The following CYP7B1 variants were observed in gnomAD, a reference collection of about 807,000 sequenced individuals.
CYP7B1 encodes the protein cytochrome P450 7B1.
A neutral mutation model predicts 42.7 loss-of-function variants in CYP7B1; 29 were observed. That is an observed-to-expected ratio of 0.68 (90% CI 0.51 to 0.93). The LOEUF is 0.93. Among genes scored for constraint, CYP7B1 ranks in the 40% least tolerant of loss-of-function variants. The probability of loss-of-function intolerance (pLI) is 0.00; values close to 1 mark genes in which losing one functional copy is unlikely to be tolerated. For synonymous variants in CYP7B1, 235 were observed against 218.2 expected (o/e 1.08, Z -0.68); for missense variants, 655 against 600.5 (o/e 1.09, Z -0.95).
intron 1 of CYP7B1, among the ~76,000 whole-genome samples, chr8:64,640,617 A>G (rs1403947222): frequency 6.6e-6 from 1 of 152,154 alleles, no homozygotes; most frequent in African/African-American, 2.4e-5. Flanking sequence ...TCCTGAAACT[A>G]AAAGAGATTT....
chr8:64,683,907 G>A (rs1233661989), intron 1 of CYP7B1, among the ~76,000 whole-genome samples: 3 of 151,876 alleles, frequency 2.0e-5, no homozygotes, highest in African/African-American at 4.8e-5. Context: ...AGATACCCTC[G>A]TGGCTCACTT....
At chr8:64,787,998 G>A (rs1804556350) in intron 1 of CYP7B1, among the ~76,000 whole-genome samples, 1 of 152,110 alleles carries the variant, frequency 6.6e-6, no homozygotes. Flanking sequence ...ATAGCATGAG[G>A]GAAACCAGCC....
intron 1 of CYP7B1, among the ~76,000 whole-genome samples, chr8:64,687,594 C>T (rs184963215): frequency 6.6e-6 from 1 of 151,948 alleles, no homozygotes; most frequent in African/African-American, 2.4e-5. Context: ...ATTTAAAATG[C>T]CCCAAACAAA....
At position 64,798,612 on chromosome 8, in the gene CYP7B1, GC is replaced by G; in HGVS notation, c.-26del. Reference sequence around the variant, plus strand: ...TCCGGCGCGCGCTAGGCCGCGGTGGGCAGCCCGGGGTCTGCCTGCGAACAGC... The same window carrying G: ...TCCGGCGCGCGCTAGGCCGCGGTGGGAGCCCGGGGTCTGCCTGCGAACAGC... On this transcript the variant is annotated 5_prime_UTR_variant, in exon 1 of 6. Coordinates refer to ENST00000310193, the MANE Select transcript of CYP7B1 (RefSeq NM_004820.5). The G allele has an allele frequency of 6.9e-6, 10 of 1,450,488 alleles. No homozygotes were observed. The highest frequency in any genetic ancestry group is 8.1e-6 in the Non-Finnish European group (9 of 1,111,540). 89.9% of individuals were successfully genotyped at this position (1,450,488 alleles called of 1,614,324 possible).
intron 1 of CYP7B1, among the ~76,000 whole-genome samples, chr8:64,773,228 T>C (rs1804264166): frequency 6.6e-6 from 1 of 152,230 alleles, no homozygotes; most frequent in Non-Finnish European, 1.5e-5. Context: ...TGGTATATAT[T>C]TGAAACTCAG....
chr8:64,792,644 A>C (rs1416726851), intron 1 of CYP7B1, among the ~76,000 whole-genome samples: 1 of 152,210 alleles, frequency 6.6e-6, no homozygotes, highest in Non-Finnish European at 1.5e-5. Flanking sequence ...TGGAGAAACA[A>C]ATCTCTCAGG....
chr8:64,619,148 A>C (rs1307411076), intron 2 of CYP7B1, among the ~76,000 whole-genome samples: 1 of 152,210 alleles, frequency 6.6e-6, no homozygotes, highest in African/African-American at 2.4e-5. Flanking sequence ...CCATCTGCTA[A>C]TGTGAGATGC....
chr8:64,775,091 A>G (rs1563424006), intron 1 of CYP7B1, among the ~76,000 whole-genome samples: 1 of 152,100 alleles, frequency 6.6e-6, no homozygotes, highest in Non-Finnish European at 1.5e-5. Flanking sequence ...CTGAGTTCCA[A>G]TCTGATCTGA....
chr8:64,790,431 G>A (rs902857964), intron 1 of CYP7B1, among the ~76,000 whole-genome samples: 1 of 152,172 alleles, frequency 6.6e-6, no homozygotes, highest in Non-Finnish European at 1.5e-5. Flanking sequence ...TTACTCTGTG[G>A]TGTGAGTGTC....
intron 1 of CYP7B1, among the ~76,000 whole-genome samples, chr8:64,784,669 T>G (rs1427483831): frequency 6.6e-6 from 1 of 152,214 alleles, no homozygotes. Context: ...TGTTTGATGC[T>G]CTTGCCACTA....
At chr8:64,645,445 T>C (rs943401790) in intron 1 of CYP7B1, among the ~76,000 whole-genome samples, 22 of 152,086 alleles carry the variant, frequency 1.4e-4, no homozygotes, top group Non-Finnish European at 2.9e-4. Flanking sequence ...TTTTTAATGA[T>C]TGCCATTCTA....
At chr8:64,721,824 T>C (rs1463926286) in intron 1 of CYP7B1, among the ~76,000 whole-genome samples, 2 of 152,178 alleles carry the variant, frequency 1.3e-5, no homozygotes, top group Non-Finnish European at 2.9e-5. Context: ...ATGACACATA[T>C]GATATAGATA....
chr8:64,797,660 TG>T (rs1804725214), intron 1 of CYP7B1, among the ~76,000 whole-genome samples: 1 of 152,196 alleles, frequency 6.6e-6, no homozygotes, highest in African/African-American at 2.4e-5. Flanking sequence ...ATCTATACAT[TG>T]ATACATATGT....
chr8:64,798,274 T>C (rs1804737801), intron 1 of CYP7B1, among the ~76,000 whole-genome samples, 192 bp downstream of exon 1: 1 of 152,218 alleles, frequency 6.6e-6, no homozygotes, highest in African/African-American at 2.4e-5. Context: ...AGCTTTAATA[T>C]GTACGCGTAT....
chr8:64,715,375 A>G (rs1012263297), intron 1 of CYP7B1, among the ~76,000 whole-genome samples: 2 of 152,166 alleles, frequency 1.3e-5, no homozygotes, highest in Admixed American at 1.3e-4. Context: ...AAAGGGACAT[A>G]AAAGGGCCTC....
At chr8:64,664,287 C>A (rs1250905445) in intron 1 of CYP7B1, among the ~76,000 whole-genome samples, 2 of 152,110 alleles carry the variant, frequency 1.3e-5, no homozygotes, top group Non-Finnish European at 2.9e-5. Flanking sequence ...ATTTTTCAGG[C>A]CACACCATAT....
At chr8:64,598,970 G>A (rs1163606767) in intron 5 of CYP7B1, among the ~76,000 whole-genome samples, 2 of 152,132 alleles carry the variant, frequency 1.3e-5, no homozygotes, top group African/African-American at 4.8e-5. Context: ...TATTGCCTAG[G>A]CATGGAAAAC....
chr8:64,795,865 A>G (rs1804695306), intron 1 of CYP7B1, among the ~76,000 whole-genome samples: 1 of 152,242 alleles, frequency 6.6e-6, no homozygotes, highest in Non-Finnish European at 1.5e-5. Context: ...GGAAAAGACA[A>G]TTTCACAAAA....
At chr8:64,675,970 C>G (rs943592930) in intron 1 of CYP7B1, among the ~76,000 whole-genome samples, 3 of 152,120 alleles carry the variant, frequency 2.0e-5, no homozygotes, top group Admixed American at 2.0e-4. Flanking sequence ...ACTCAGAGCT[C>G]CTTGAAGGCA....
Sources: allele counts gnomAD v4.1 joint callset (sites outside exome capture counted in the v4.1 genomes callset), GRCh38; gene constraint gnomAD v4.1.1; transcripts MANE v1.5; gene names NCBI Gene and HGNC (gene_info 2026-07-23, HGNC 2026-07-21).